The following ASIC2 variants were observed in gnomAD, a reference collection of about 807,000 sequenced individuals.
The protein encoded by ASIC2 is acid-sensing ion channel 2.
In ASIC2, 25 loss-of-function variants were observed where a neutral mutation model predicts 57.3. The ratio of observed to expected loss-of-function variants is 0.44; its 90% CI spans 0.32 to 0.61. ASIC2 has a LOEUF of 0.61. Among genes scored for constraint, ASIC2 ranks in the 20% least tolerant of loss-of-function variants. The pLI, the probability that ASIC2 is intolerant of heterozygous loss-of-function variation, is 0.06. For synonymous variants in ASIC2, 319 were observed against 307.5 expected (o/e 1.04, Z -0.39); for missense variants, 641 against 738.1 (o/e 0.87, Z 1.52).
At chr17:33,532,230 T>C (rs1915075038) in intron 1 of ASIC2, among the ~76,000 whole-genome samples, 1 of 152,126 alleles carries the variant, frequency 6.6e-6, no homozygotes, top group Non-Finnish European at 1.5e-5. Flanking sequence ...AAGTCAAGGG[T>C]CATTCATCAA....
intron 1 of ASIC2, among the ~76,000 whole-genome samples, chr17:33,320,924 G>A (rs1262751238): frequency 1.3e-5 from 2 of 152,084 alleles, no homozygotes; most frequent in East Asian, 1.9e-4. Flanking sequence ...AGTACCATTC[G>A]TTCTTACTGT....
intron 1 of ASIC2, among the ~76,000 whole-genome samples, chr17:34,140,754 A>C (rs1346350687): frequency 6.6e-6 from 1 of 152,204 alleles, no homozygotes; most frequent in Non-Finnish European, 1.5e-5. Flanking sequence ...CACCAATGTA[A>C]ATAAATAAAG....
intron 1 of ASIC2, among the ~76,000 whole-genome samples, chr17:34,119,833 T>C (rs989304342): frequency 6.6e-6 from 1 of 152,208 alleles, no homozygotes; most frequent in Non-Finnish European, 1.5e-5. Context: ...TTGTGGACAG[T>C]TTGTTTTGAA....
At chr17:33,134,644 T>C (rs1243904540) in intron 1 of ASIC2, among the ~76,000 whole-genome samples, 1 of 152,208 alleles carries the variant, frequency 6.6e-6, no homozygotes, top group Non-Finnish European at 1.5e-5. Flanking sequence ...CCTGGATAAT[T>C]CTGGATGGTA....
At chr17:34,031,525 G>A (rs564438474) in intron 1 of ASIC2, among the ~76,000 whole-genome samples, 1 of 152,326 alleles carries the variant, frequency 6.6e-6, no homozygotes, top group South Asian at 2.1e-4. Context: ...TGACTTTGAC[G>A]AGTTGAGAGA....
At chr17:33,332,641 G>T (rs1018012643) in intron 1 of ASIC2, among the ~76,000 whole-genome samples, 2 of 152,116 alleles carry the variant, frequency 1.3e-5, no homozygotes, top group South Asian at 4.1e-4. Flanking sequence ...TTGTAATCCC[G>T]GCACTTTGGG....
At chr17:33,918,167 G>C (rs893235917) in intron 1 of ASIC2, among the ~76,000 whole-genome samples, 11 of 152,006 alleles carry the variant, frequency 7.2e-5, no homozygotes, top group African/African-American at 2.4e-4. Context: ...AACTCTGCTT[G>C]GCCAAATCTT....
intron 1 of ASIC2, among the ~76,000 whole-genome samples, chr17:33,491,631 G>A (rs1428274540): frequency 6.6e-6 from 1 of 152,214 alleles, no homozygotes; most frequent in Non-Finnish European, 1.5e-5. Flanking sequence ...GACCCTGGAA[G>A]AAGCCTAATC....
chr17:33,697,635 A>T (rs1217678304), intron 1 of ASIC2, among the ~76,000 whole-genome samples: 1 of 152,206 alleles, frequency 6.6e-6, no homozygotes, highest in Admixed American at 6.5e-5. Context: ...TCTCCCAACC[A>T]TGGCAGTAAC....
chr17:33,672,471 A>G (rs1907669763), intron 1 of ASIC2, among the ~76,000 whole-genome samples: 2 of 152,048 alleles, frequency 1.3e-5, no homozygotes, highest in African/African-American at 4.8e-5. Context: ...ACATCACCCA[A>G]ACATGTCTGA....
At chr17:33,368,465 G>A (rs1438164085) in intron 1 of ASIC2, among the ~76,000 whole-genome samples, 1 of 152,202 alleles carries the variant, frequency 6.6e-6, no homozygotes, top group African/African-American at 2.4e-5. Flanking sequence ...AGACTTCCCT[G>A]TGGAGTCTTA....
intron 1 of ASIC2, among the ~76,000 whole-genome samples, chr17:33,960,293 G>A (rs2141991292): frequency 6.6e-6 from 1 of 152,256 alleles, no homozygotes; most frequent in African/African-American, 2.4e-5. Context: ...AGATGGAGAG[G>A]GACATTTGAG....
chr17:34,043,307 T>A (rs953259404), intron 1 of ASIC2, among the ~76,000 whole-genome samples: 5 of 152,166 alleles, frequency 3.3e-5, no homozygotes, highest in African/African-American at 1.2e-4. Context: ...AGTAAATAGG[T>A]TTATTTTTTA....
chr17:33,313,673 T>G (rs983315103), intron 1 of ASIC2, among the ~76,000 whole-genome samples: 1 of 152,182 alleles, frequency 6.6e-6, no homozygotes, highest in African/African-American at 2.4e-5. Context: ...TGACATTTGC[T>G]AAGAAATCCC....
intron 1 of ASIC2, among the ~76,000 whole-genome samples, chr17:33,832,140 G>A (rs574220415): frequency 2.0e-5 from 3 of 152,288 alleles, no homozygotes; most frequent in African/African-American, 7.2e-5. Flanking sequence ...AGAGGAGGGA[G>A]GACCTACATC....
At chr17:33,819,520 G>A (rs1912686110) in intron 1 of ASIC2, among the ~76,000 whole-genome samples, 1 of 152,236 alleles carries the variant, frequency 6.6e-6, no homozygotes, top group Non-Finnish European at 1.5e-5. Context: ...ATGTGGTCAA[G>A]GCCTGGGATG....
At chr17:33,799,391 TTTC>T (rs1162123257) in intron 1 of ASIC2, among the ~76,000 whole-genome samples, 156 of 61,684 alleles carry the variant, frequency 2.5e-3, no homozygotes, top group Middle Eastern at 7.6e-3. Flanking sequence ...TCTTTCTTTC[TTTC>T]TTTCTTTCTT....
At chr17:33,835,963 A>G (rs1326896341) in intron 1 of ASIC2, among the ~76,000 whole-genome samples, 1 of 150,980 alleles carries the variant, frequency 6.6e-6, no homozygotes, top group Non-Finnish European at 1.5e-5. Flanking sequence ...AATACTAATT[A>G]TATATTATAT....
intron 1 of ASIC2, among the ~76,000 whole-genome samples, chr17:33,616,677 G>A (rs746907388): frequency 1.8e-4 from 28 of 152,308 alleles, no homozygotes; most frequent in Middle Eastern, 3.4e-3. Context: ...AGAGATCTCC[G>A]AAACTCAGGG....
Sources: allele counts gnomAD v4.1 joint callset (sites outside exome capture counted in the v4.1 genomes callset), GRCh38; gene constraint gnomAD v4.1.1; transcripts MANE v1.5; gene names NCBI Gene and HGNC (gene_info 2026-07-23, HGNC 2026-07-21).